Variants in CFAP91 observed in about 807,000 individuals in gnomAD.
CFAP91 encodes the protein cilia and flagella associated protein 91.
CFAP91 carries 85 observed loss-of-function variants against 95.9 expected under a neutral mutation model. The ratio of observed to expected loss-of-function variants is 0.89; its 90% confidence interval spans 0.74 to 1.06. The LOEUF (loss-of-function observed/expected upper bound fraction) is 1.06. CFAP91 is among the 50% of genes least tolerant of loss of function. The probability of loss-of-function intolerance (pLI) is 0.00; values close to 1 mark genes in which losing one functional copy is unlikely to be tolerated. For missense variants in CFAP91, 962 were observed against 943.4 expected, an observed-to-expected ratio of 1.02 and a Z score of -0.26; for synonymous variants, 335 against 327.5, an observed-to-expected ratio of 1.02 and a Z score of -0.25.
intron 17 of CFAP91, among the ~76,000 whole-genome samples, chr3:119,758,329 G>T (rs913563091): frequency 3.9e-5 from 6 of 152,184 alleles, no homozygotes; most frequent in Non-Finnish European, 7.3e-5. Context: ...CTTACATGCA[G>T]AGCTTATGCT....
At chr3:119,738,363 T>TTTTTTTTTTTA (rs2054052816) in intron 11 of CFAP91, among the ~76,000 whole-genome samples, 1 of 119,404 alleles carries the variant, frequency 8.4e-6, no homozygotes, top group Non-Finnish European at 1.7e-5. Flanking sequence ...TTTTTTTTTT[T>TTTTTTTTTTTA]TTTGAGACAG....
At chr3:119,732,530 T>C in intron 9 of CFAP91, 54 bp downstream of exon 9, 2 of 1,152,456 alleles carry the variant, frequency 1.7e-6, no homozygotes, top group South Asian at 1.5e-5. Context: ...CTCAGAAATA[T>C]GATTAAATAT....
At chr3:119,740,055 A>G (rs1230106054) in intron 12 of CFAP91, among the ~76,000 whole-genome samples, 1 of 152,220 alleles carries the variant, frequency 6.6e-6, no homozygotes, top group African/African-American at 2.4e-5. Context: ...TTCAGATATG[A>G]TGAGTAAATC....
chr3:119,745,333 G>T (rs2107906028), intron 14 of CFAP91, among the ~76,000 whole-genome samples: 1 of 152,168 alleles, frequency 6.6e-6, no homozygotes, highest in Non-Finnish European at 1.5e-5. Context: ...TCCAAAATAT[G>T]CATCTAGATA....
rs1468912783 is a variant in CFAP91 at position 119,732,374 on chromosome 3, T to A, written c.1099T>A (p.Tyr367Asn). The change falls in exon 9 of 18, where the codon TAT becomes AAT. Residue 367 changes from tyrosine to asparagine, a missense_variant. Tyr to Asn is a moderately radical substitution (Grantham distance 143, BLOSUM62 -2). Coordinates refer to ENST00000273390, the MANE Select transcript of CFAP91 (RefSeq NM_033364.4). Reference sequence around the variant, plus strand: ...AAATATCATCAAGGATTATTCTGATTATGCATCACAGGTCTATGGACCTCT... The same window carrying A: ...AAATATCATCAAGGATTATTCTGATAATGCATCACAGGTCTATGGACCTCT... ...RRNIIKDYSD[Y>N]ASQVYGPLSR... 6.2e-7 allele frequency: 1 copy of A among 1,612,510 alleles called. No individual in the cohort carries two copies. The highest frequency in any genetic ancestry group is 1.7e-5 in the Admixed American group (1 of 59,928).
At chr3:119,725,201 G>A (rs1427554668) in intron 6 of CFAP91, among the ~76,000 whole-genome samples, 2 of 152,210 alleles carry the variant, frequency 1.3e-5, no homozygotes, top group African/African-American at 4.8e-5. Flanking sequence ...ATTTAGAGGT[G>A]CTAGGCACCT....
chr3:119,705,186 C>T (rs1016832584), intron 1 of CFAP91, among the ~76,000 whole-genome samples: 1 of 152,188 alleles, frequency 6.6e-6, no homozygotes, highest in African/African-American at 2.4e-5. Context: ...CCCTAAAGCT[C>T]ACCACCAATT....
intron 1 of CFAP91, among the ~76,000 whole-genome samples, chr3:119,705,534 C>A (rs2053342438): frequency 6.6e-6 from 1 of 152,196 alleles, no homozygotes; most frequent in African/African-American, 2.4e-5. Context: ...TGCTCCCATC[C>A]TAGAATGTTC....
chr3:119,751,215 G>A (rs2054319511), intron 17 of CFAP91, 117 bp downstream of exon 17: 2 of 1,151,102 alleles, frequency 1.7e-6, no homozygotes, highest in East Asian at 5.2e-5. Flanking sequence ...AGAAATGGAG[G>A]ACTTCCACTT....
Position 119,751,003 on chromosome 3 carries a change from T to C in CFAP91, c.2210T>C (p.Met737Thr). The C allele has an allele frequency of 1.2e-6, 2 of 1,613,958 alleles. No individual in the cohort carries two copies. Among genetic ancestry groups the C allele is most frequent in the Non-Finnish European group, 1.7e-6 (2 of 1,179,894 alleles). ...ATCATCCACAGTTACACGGAAAGCA[T>C]GGTTCAAAAGAAATTAACTGAGGGA... is the stretch of plus-strand genomic sequence containing the variant. ...HQIIHSYTES[M>T]VQKKLTEGEQ... The change falls in exon 17 of 18, where the codon ATG becomes ACG. Residue 737 changes from methionine to threonine, a missense_variant. Met to Thr is a moderately conservative substitution (Grantham distance 81). Coordinates refer to ENST00000273390, the MANE Select transcript of CFAP91 (RefSeq NM_033364.4).
In CFAP91 at chr3:119,703,092, C is replaced by T. The variant is rs927596495; in HGVS notation, c.-7C>T. The stretch of plus-strand genomic sequence containing the variant: ...TCCCTTGCTGGCGGGAGGAAAGAGG[C>T]GGCACCATGAGCCACGCAGTAACCA... On this transcript the variant is annotated 5_prime_UTR_variant, in exon 1 of 18. Coordinates refer to ENST00000273390, the MANE Select transcript of CFAP91 (RefSeq NM_033364.4). 2 of 1,552,304 alleles carry T rather than the reference C, an allele frequency of 1.3e-6. No homozygotes were observed. The highest frequency in any genetic ancestry group is 1.7e-6 in the Non-Finnish European group (2 of 1,147,828).
rs907984194 is a variant in CFAP91 at position 119,744,031 on chromosome 3, G to C, written c.1737G>C (p.Met579Ile). The C allele has an allele frequency of 6.2e-7, 1 of 1,614,176 alleles. No individual in the cohort carries two copies. The highest frequency in any genetic ancestry group is 8.5e-7 in the Non-Finnish European group (1 of 1,179,996). Residue 579 changes from methionine to isoleucine, a missense_variant, in exon 14 of 18, where the codon ATG becomes ATC. Coordinates refer to ENST00000273390, the MANE Select transcript of CFAP91 (RefSeq NM_033364.4). ...TGGAAGGAAGGGCACTAGCAGACAT[G>C]TTTGACTTCCTGTCCAAAGAGCTGG... ...AGLEGRALAD[M>I]FDFLSKELVR...
chr3:119,750,858 A>G (rs922007761), intron 16 of CFAP91, 79 bp from the exon 17 acceptor site: 55 of 1,539,590 alleles, frequency 3.6e-5, no homozygotes, highest in Non-Finnish European at 4.7e-5. Context: ...AATTATTTCT[A>G]TCATGACTCT....
At chr3:119,725,743 T>TA (rs1559754568) in intron 6 of CFAP91, among the ~76,000 whole-genome samples, 1 of 151,582 alleles carries the variant, frequency 6.6e-6, no homozygotes, top group African/African-American at 2.4e-5. Context: ...GGCAACAGAG[T>TA]GAGACCTTGA....
chr3:119,716,290 C>T lies in CFAP91; in HGVS notation c.682+547C>T, dbSNP rs564376554. Among the ~76,000 whole-genome samples the T allele has an allele frequency of 3.5e-4, 54 of 152,250 alleles. No homozygotes were observed. In the South Asian group the frequency reaches 0.011, roughly 30 times the overall value. On this transcript the variant is annotated intron_variant, in intron 6 of 17. Coordinates refer to ENST00000273390, the MANE Select transcript of CFAP91 (RefSeq NM_033364.4). ...CTGGCCTAGGCCTATATTATGTGAA[C>T]CTATAAAATTAATAAGTGAGACTAC...
In CFAP91 at chr3:119,715,158, C is replaced by T. The variant is rs116763132; in HGVS notation, c.501-404C>T. 4.6e-3 allele frequency among the ~76,000 whole-genome samples: 705 copies of T among 152,156 alleles called. 4 individuals are homozygous for T. The highest frequency in any genetic ancestry group is 0.016 in the African/African-American group (657 of 41,498). On this transcript the variant is annotated intron_variant, in intron 5 of 17. Transcript: ENST00000273390. ...ACCATCTCTTCTCTTTTCTCTGCTC[C>T]CATATTTCTGGAGGGAAACAGAGAG... is the stretch of plus-strand genomic sequence containing the variant.
chr3:119,743,275 G>A (rs939644114), intron 13 of CFAP91, among the ~76,000 whole-genome samples: 10 of 151,642 alleles, frequency 6.6e-5, no homozygotes, highest in Non-Finnish European at 1.3e-4. Flanking sequence ...GCACCACCAC[G>A]ACTGGCTAAT....
At position 119,742,139 on chromosome 3, in the gene CFAP91, T is replaced by G. The variant is rs373544394; in HGVS notation, c.1680+1444T>G. ...AGCTAACCCAGGCTTTTCAGCTCAT[T>G]TATTCCATTTAGTGGATATACATGT... On this transcript the variant is annotated intron_variant, in intron 13 of 17. Transcript: ENST00000273390. 2.6e-5 allele frequency among the ~76,000 whole-genome samples: 4 copies of G among 152,182 alleles called. No individual in the cohort carries two copies. In the South Asian group the frequency reaches 8.3e-4, roughly 31 times the overall value.
At chr3:119,743,914 T>C in intron 13 of CFAP91, 61 bp from the exon 14 acceptor site, 2 of 1,421,130 alleles carry the variant, frequency 1.4e-6, no homozygotes, top group South Asian at 1.4e-5. Context: ...CCAGCACTTC[T>C]TCTAATAATC....
Sources: allele counts gnomAD v4.1 joint callset (sites outside exome capture counted in the v4.1 genomes callset), GRCh38; gene constraint gnomAD v4.1.1; transcripts MANE v1.5; gene names NCBI Gene and HGNC (gene_info 2026-07-23, HGNC 2026-07-21).